The following TIAM1 variants were observed in gnomAD, a reference collection of about 807,000 sequenced individuals.
TIAM1 encodes TIAM Rac1 associated GEF 1, also known as rho guanine nucleotide exchange factor TIAM1.
In TIAM1, 65 loss-of-function variants were observed where a neutral mutation model predicts 163.5. The ratio of observed to expected loss-of-function variants is 0.40; its 90% CI spans 0.33 to 0.49. The LOEUF (loss-of-function observed/expected upper bound fraction) is 0.49, where lower values mean the gene tolerates loss of function less well. Ranked by LOEUF, TIAM1 falls within the 20% of genes least tolerant of loss-of-function variation. TIAM1 has a pLI of 0.77. For synonymous variants in TIAM1, 833 were observed against 810.1 expected (o/e 1.03, Z -0.48); for missense variants, 1,789 against 2,044.7 (o/e 0.87, Z 2.41).
At chr21:31,427,570 T>C (rs941395353) in intron 2 of TIAM1, among the ~76,000 whole-genome samples, 15 of 152,126 alleles carry the variant, frequency 9.9e-5, no homozygotes, top group African/African-American at 2.4e-5. Flanking sequence ...CCAGACGCAG[T>C]GGCTAATGCC....
chr21:31,554,508 A>C (rs2048804953), intron 1 of TIAM1, among the ~76,000 whole-genome samples: 1 of 152,038 alleles, frequency 6.6e-6, no homozygotes, highest in African/African-American at 2.4e-5. Flanking sequence ...CTCCAACTAC[A>C]CCCAAGTCTT....
chr21:31,249,222 A>G (rs530759620), intron 5 of TIAM1, among the ~76,000 whole-genome samples: 5 of 152,220 alleles, frequency 3.3e-5, no homozygotes, highest in Non-Finnish European at 4.4e-5. Context: ...TGGTGCCATT[A>G]TAAGAAGGAA....
At chr21:31,527,054 A>G (rs1490756870) in intron 1 of TIAM1, among the ~76,000 whole-genome samples, 2 of 152,124 alleles carry the variant, frequency 1.3e-5, no homozygotes. Flanking sequence ...AGACTTCCAA[A>G]GATATCCGGG....
At chr21:31,161,613 A>G (rs1417550274) in intron 16 of TIAM1, among the ~76,000 whole-genome samples, 1 of 152,226 alleles carries the variant, frequency 6.6e-6, no homozygotes, top group Non-Finnish European at 1.5e-5. Flanking sequence ...CTTTATGCTG[A>G]CCGATATCAT....
chr21:31,378,718 T>C (rs924079820), intron 2 of TIAM1, among the ~76,000 whole-genome samples: 1 of 152,188 alleles, frequency 6.6e-6, no homozygotes, highest in Non-Finnish European at 1.5e-5. Flanking sequence ...TATCCGTAGG[T>C]TCTGCACCCC....
At chr21:31,421,768 C>T (rs2043582673) in intron 2 of TIAM1, among the ~76,000 whole-genome samples, 1 of 151,956 alleles carries the variant, frequency 6.6e-6, no homozygotes, top group Non-Finnish European at 1.5e-5. Context: ...GGCAGGAGGA[C>T]GGCTTGAGGC....
chr21:31,127,034 C>T, intron 26 of TIAM1, 31 bp downstream of exon 26: 1 of 1,610,096 alleles, frequency 6.2e-7, no homozygotes, highest in Non-Finnish European at 8.5e-7. Context: ...GAAATGTCAA[C>T]ACGGCCTCGA....
upstream of TIAM1, among the ~76,000 whole-genome samples, chr21:31,344,862 C>T (rs1232316425): frequency 6.6e-6 from 1 of 152,216 alleles, no homozygotes; most frequent in Non-Finnish European, 1.5e-5. Flanking sequence ...ACCTCTTCCT[C>T]GCTGAAATAC....
intron 2 of TIAM1, among the ~76,000 whole-genome samples, chr21:31,365,387 CTTTTTTTT>C (rs772457613): frequency 7.8e-6 from 1 of 128,828 alleles, no homozygotes; most frequent in South Asian, 2.5e-4. Flanking sequence ...TTATTTCTTT[CTTTTTTTT>C]TTTTTTTTTT....
At position 31,252,192 on chromosome 21, in the gene TIAM1, T is replaced by C; in HGVS notation, c.964-3A>G. ...CTGCCCTCGCCTGCATTAACATCCTTGGGAGCAGAAAGAGAGAGCAAAGAA... is the reference window on the plus strand; with the variant it reads ...CTGCCCTCGCCTGCATTAACATCCTCGGGAGCAGAAAGAGAGAGCAAAGAA... On this transcript the variant is annotated splice_polypyrimidine_tract_variant and splice_region_variant and intron_variant, in intron 4 of 27. Transcript: ENST00000541036. 6.2e-7 allele frequency: 1 copy of C among 1,600,342 alleles called. No individual in the cohort carries two copies. Among genetic ancestry groups the C allele is most frequent in the Admixed American group, 1.7e-5 (1 of 59,924 alleles).
At chr21:31,368,383 T>C (rs2076534621) in intron 2 of TIAM1, among the ~76,000 whole-genome samples, 1 of 152,368 alleles carries the variant, frequency 6.6e-6, no homozygotes, top group Non-Finnish European at 1.5e-5. Flanking sequence ...AATTTGTTAC[T>C]GTTTGTAGCT....
chr21:31,337,810 G>A (rs1260879040), intron 2 of TIAM1, among the ~76,000 whole-genome samples: 1 of 151,950 alleles, frequency 6.6e-6, no homozygotes, highest in East Asian at 1.9e-4. Flanking sequence ...GATTACGGGT[G>A]TGAGCCACCA....
At chr21:31,340,166 C>T (rs1197628258) in intron 1 of TIAM1, among the ~76,000 whole-genome samples, 1 of 151,518 alleles carries the variant, frequency 6.6e-6, no homozygotes, top group Non-Finnish European at 1.5e-5. Flanking sequence ...CATCCCCAGT[C>T]CAGTCCCTTG....
intron 2 of TIAM1, among the ~76,000 whole-genome samples, chr21:31,316,384 G>C (rs1421286974): frequency 6.6e-6 from 1 of 152,168 alleles, no homozygotes; most frequent in African/African-American, 2.4e-5. Flanking sequence ...TGAGACAATG[G>C]TGACATGTAG....
intron 2 of TIAM1, among the ~76,000 whole-genome samples, chr21:31,373,536 C>G (rs1221467267): frequency 1.3e-5 from 2 of 152,118 alleles, no homozygotes; most frequent in African/African-American, 4.8e-5. Flanking sequence ...ATAAGCCAAA[C>G]CATATCATGC....
intron 2 of TIAM1, among the ~76,000 whole-genome samples, chr21:31,415,343 C>T (rs2043335049): frequency 6.6e-6 from 1 of 152,202 alleles, no homozygotes; most frequent in African/African-American, 2.4e-5. Flanking sequence ...AGATTAAAAA[C>T]TCAGTTACCG....
chr21:31,411,887 G>A (rs1211641353), intron 2 of TIAM1, among the ~76,000 whole-genome samples: 5 of 152,090 alleles, frequency 3.3e-5, no homozygotes, highest in South Asian at 4.2e-4. Context: ...ATGGGCAATC[G>A]GACAGCACTA....
intron 1 of TIAM1, among the ~76,000 whole-genome samples, chr21:31,521,866 G>A (rs2047606060): frequency 6.6e-6 from 1 of 151,942 alleles, no homozygotes; most frequent in African/African-American, 2.4e-5. Context: ...GTGCAATCTT[G>A]GCTCTTAATA....
At chr21:31,451,755 GTGT>G (rs2044862119) in intron 2 of TIAM1, among the ~76,000 whole-genome samples, 1 of 146,392 alleles carries the variant, frequency 6.8e-6, no homozygotes, top group Admixed American at 6.8e-5. Context: ...GTGTGTGTGT[GTGT>G]GTGAGACACA....
Sources: gnomAD v4.1 joint callset for allele counts (sites outside exome capture counted in the v4.1 genomes callset) on GRCh38, gnomAD v4.1.1 for gene constraint, MANE v1.5 for transcripts, NCBI Gene and HGNC (gene_info 2026-07-23, HGNC 2026-07-21) for gene names.